Variants in PPP4R3B observed in about 807,000 individuals in gnomAD.
The protein encoded by PPP4R3B is protein phosphatase 4 regulatory subunit 3B, also known as serine/threonine-protein phosphatase 4 regulatory subunit 3B.
In PPP4R3B, 52 loss-of-function variants were observed where a neutral mutation model predicts 95.4. That is an observed-to-expected ratio of 0.54 (90% CI 0.44 to 0.69). The LOEUF is 0.69. Among genes scored for constraint, PPP4R3B ranks in the 30% least tolerant of loss-of-function variants. The pLI, the probability that PPP4R3B is intolerant of heterozygous loss-of-function variation, is 0.00. For synonymous variants in PPP4R3B, 407 were observed against 343.9 expected (o/e 1.18, Z -2.03); for missense variants, 1,003 against 1,005.9 (o/e 1.00, Z 0.04).
rs781242242 is a variant in PPP4R3B at position 55,573,623 on chromosome 2, G to A, written c.1761C>T (p.Ala587=). 6.5e-7 allele frequency: 1 copy of A among 1,533,122 alleles called. No homozygotes were observed. Among genetic ancestry groups the A allele is most frequent in the South Asian group, 1.3e-5 (1 of 79,346 alleles). The allele number at this position is 1,533,122 out of a possible 1,614,324, so 95.0% of individuals were successfully genotyped here. ...VLMNSKHTFL[A]LCALRFMRRI... ...CTTAAAACATTTTATACTTACACAA[G>A]GCCAGAAAAGTGTGCTTTGAATTCA... is the stretch of plus-strand genomic sequence containing the variant. The change falls in exon 12 of 17, where the codon GCC becomes GCT. Residue 587 remains alanine, a synonymous_variant. Coordinates refer to ENST00000616407, the MANE Select transcript of PPP4R3B (RefSeq NM_001122964.3).
intron 4 of PPP4R3B, chr2:55,591,484 GGTGA>G (rs1231536973): frequency 1.5e-5 from 15 of 970,276 alleles, no homozygotes; most frequent in East Asian, 1.1e-4. Context: ...TTTAGGTTAG[GGTGA>G]GTAAGTACAT....
chr2:55,558,990 G>C (rs1686229338), intron 15 of PPP4R3B, 22 bp from the exon 16 acceptor site: 1 of 1,581,158 alleles, frequency 6.3e-7, no homozygotes, highest in Non-Finnish European at 8.6e-7. Flanking sequence ...GTAAAATTTT[G>C]AACGTATATC....
intron 2 of PPP4R3B, chr2:55,614,729 A>G (rs1694661794): frequency 2.0e-5 from 3 of 152,344 alleles, no homozygotes; most frequent in African/African-American, 7.2e-5. Context: ...TGAAACAAAT[A>G]TGGCGTAACA....
chr2:55,564,280 G>A (rs1362084864), intron 15 of PPP4R3B, 33 bp downstream of exon 15: 6 of 1,578,982 alleles, frequency 3.8e-6, no homozygotes, highest in Non-Finnish European at 4.3e-6. Context: ...TAAATAAGAG[G>A]GTACACTGTG....
chr2:55,606,308 G>A (rs1000624355), intron 2 of PPP4R3B, among the ~76,000 whole-genome samples: 23 of 152,050 alleles, frequency 1.5e-4, no homozygotes, highest in Admixed American at 1.1e-3. Flanking sequence ...TAATGGCTCC[G>A]TATCATTAGT....
rs759226664 is a variant in PPP4R3B, at chr2:55,549,873, T to C, written c.*38A>G. On this transcript the variant is annotated 3_prime_UTR_variant, in exon 17 of 17. Coordinates refer to ENST00000616407, the MANE Select transcript of PPP4R3B (RefSeq NM_001122964.3). ...TTCAGCTCACTGAACAGTTGCAGCA[T>C]TGTAAGACCACATGTTGAGGGTCCC... 1.4e-5 allele frequency: 21 copies of C among 1,453,588 alleles called. No homozygotes were observed. The highest frequency in any genetic ancestry group is 6.8e-6 in the Non-Finnish European group (7 of 1,033,938). The allele number at this position is 1,453,588 out of a possible 1,614,324, so 90.0% of individuals were successfully genotyped here. A position where few individuals can be genotyped will look rare whatever the true frequency, so the allele number is the denominator to read the frequency against.
chr2:55,589,351 A>AAGT (rs1559011702), intron 4 of PPP4R3B, among the ~76,000 whole-genome samples: 1 of 151,738 alleles, frequency 6.6e-6, no homozygotes, highest in South Asian at 2.1e-4. Flanking sequence ...GAAAAACAAG[A>AAGT]ATTGTAAGAC....
chr2:55,569,381 ATTAGTCAGGCCCACCTGCAG>A (rs1558967024), intron 12 of PPP4R3B, among the ~76,000 whole-genome samples: 1 of 152,138 alleles, frequency 6.6e-6, no homozygotes, highest in African/African-American at 2.4e-5. Context: ...AGGGCCTGAC[ATTAGTCAGGCCCACCTGCAG>A]TTATCCAGAG....
At chr2:55,572,520 T>A (rs988810208) in intron 12 of PPP4R3B, among the ~76,000 whole-genome samples, 8 of 152,170 alleles carry the variant, frequency 5.3e-5, no homozygotes, top group African/African-American at 1.9e-4. Flanking sequence ...AACAATGAGA[T>A]ACCACATTTT....
chr2:55,604,388 A>G (rs1693092672), intron 2 of PPP4R3B, among the ~76,000 whole-genome samples: 1 of 152,224 alleles, frequency 6.6e-6, no homozygotes, highest in Non-Finnish European at 1.5e-5. Flanking sequence ...AAGACATTCC[A>G]ACCATCTACT....
At chr2:55,593,531 G>A (rs1691326064) in intron 4 of PPP4R3B, among the ~76,000 whole-genome samples, 1 of 152,094 alleles carries the variant, frequency 6.6e-6, no homozygotes. Flanking sequence ...TACCCAGATA[G>A]GTATCTAGAA....
At chr2:55,595,378 T>G (rs1691623581) in intron 4 of PPP4R3B, among the ~76,000 whole-genome samples, 1 of 151,776 alleles carries the variant, frequency 6.6e-6, no homozygotes, top group African/African-American at 2.4e-5. Context: ...ATCTATAATC[T>G]CAGCACTTTG....
At position 55,588,931 on chromosome 2, in the gene PPP4R3B, A is replaced by C. The variant is rs758967326; in HGVS notation, c.947T>G (p.Val316Gly). The change falls in exon 5 of 17, where the codon GTT becomes GGT. Residue 316 changes from valine (V) to glycine (G), a missense_variant. By Grantham distance (109) the Val-to-Gly change is moderately radical. Around this residue, in one of 3 missense-constraint regions of PPP4R3B, gnomAD observed 695 missense variants for 686.2 expected, o/e 1.01. Transcript: ENST00000616407. The stretch of plus-strand genomic sequence containing the variant: ...AGCCTCATCTGTTAATTGTGCAAAA[A>C]CTTCAGACAAAAACTTCTCATCTTC... ...LQEDEKFLSE[V>G]FAQLTDEATD... 6.2e-7 allele frequency: 1 copy of C among 1,609,136 alleles called. No homozygotes were observed. The highest frequency in any genetic ancestry group is 8.5e-7 in the Non-Finnish European group (1 of 1,177,046).
intron 12 of PPP4R3B, among the ~76,000 whole-genome samples, chr2:55,571,450 T>C (rs975670621): frequency 7.9e-5 from 12 of 152,076 alleles, no homozygotes; most frequent in South Asian, 6.2e-4. Flanking sequence ...AATATAAAAA[T>C]ATAATGTAAT....
chr2:55,609,257 C>CA (rs2103838852), intron 2 of PPP4R3B, among the ~76,000 whole-genome samples: 1 of 152,074 alleles, frequency 6.6e-6, no homozygotes, highest in East Asian at 1.9e-4. Context: ...CTCCTGGTCT[C>CA]AAGTGATCCT....
chr2:55,601,493 G>T (rs2586967), intron 3 of PPP4R3B, among the ~76,000 whole-genome samples: 2 of 151,554 alleles, frequency 1.3e-5, no homozygotes, highest in South Asian at 4.2e-4. Flanking sequence ...CCATTCTCCT[G>T]CCTCAGCCTC....
intron 12 of PPP4R3B, among the ~76,000 whole-genome samples, chr2:55,570,783 C>G (rs1687895619): frequency 6.6e-6 from 1 of 152,202 alleles, no homozygotes; most frequent in Non-Finnish European, 1.5e-5. Flanking sequence ...TAAATGTTAA[C>G]TGTAACACCA....
At chr2:55,566,054 C>T (rs1209320477) in intron 13 of PPP4R3B, among the ~76,000 whole-genome samples, 1 of 151,906 alleles carries the variant, frequency 6.6e-6, no homozygotes, top group African/African-American at 2.4e-5. Context: ...ACTGCAAATG[C>T]ATGCATGCCC....
intron 4 of PPP4R3B, among the ~76,000 whole-genome samples, chr2:55,595,522 T>C (rs759942144): frequency 1.4e-4 from 21 of 151,812 alleles, no homozygotes; most frequent in Non-Finnish European, 2.5e-4. Flanking sequence ...TGAAAATATT[T>C]ATGAATTCAT....
Sources: gnomAD v4.1 joint callset for allele counts (sites outside exome capture counted in the v4.1 genomes callset) on GRCh38, gnomAD v4.1.1 for gene constraint, gnomAD v4.1.1 regional missense constraint, MANE v1.5 for transcripts, NCBI Gene and HGNC (gene_info 2026-07-23, HGNC 2026-07-21) for gene names.